The following TSACC variants were observed in gnomAD, a reference collection of about 807,000 sequenced individuals.
TSACC encodes TSSK6-activating co-chaperone protein.
A neutral mutation model predicts 6.9 loss-of-function variants in TSACC; 3 were observed. The observed-to-expected ratio is 0.43, with a 90% CI of 0.20 to 1.12. The LOEUF (loss-of-function observed/expected upper bound fraction) is 1.12. Ranked by LOEUF, TSACC falls within the 50% of genes most tolerant of loss-of-function variation. TSACC has a pLI of 0.28. For missense variants in TSACC, 137 were observed against 143.9 expected (o/e 0.95, Z 0.24); for synonymous variants, 54 against 55.1 (o/e 0.98, Z 0.09).
chr1:156,341,106 C>T (rs999977395), intron 2 of TSACC, among the ~76,000 whole-genome samples: 2 of 152,214 alleles, frequency 1.3e-5, no homozygotes, highest in Non-Finnish European at 2.9e-5. Flanking sequence ...CGTGAGCCAT[C>T]GCGCCTGGCC....
At chr1:156,337,848 G>A, upstream of TSACC, 1 of 488,958 alleles carries the variant, frequency 2.0e-6, no homozygotes, top group East Asian at 3.3e-5. Flanking sequence ...AATCAGGCTA[G>A]AAAGGGCGCA....
chr1:156,339,905 A>T, intron 2 of TSACC, 114 bp downstream of exon 2: 2 of 1,045,364 alleles, frequency 1.9e-6, no homozygotes, highest in Non-Finnish European at 2.9e-6. Context: ...TCTGTTAAAT[A>T]GTAGATGCTC....
At chr1:156,338,253 C>T, upstream of TSACC, 1 of 1,464,534 alleles carries the variant, frequency 6.8e-7, no homozygotes, top group South Asian at 1.2e-5. Flanking sequence ...GAGAGAGAAC[C>T]AGACAGAAGC....
intron 3 of TSACC, 97 bp from the exon 4 acceptor site, chr1:156,346,671 T>G (rs182513657): frequency 1.7e-5 from 21 of 1,220,570 alleles, no homozygotes; most frequent in South Asian, 2.7e-5. Flanking sequence ...CTGGAAAGAT[T>G]GGAGAGGTCA....
In TSACC at chr1:156,345,335, G is replaced by T. The variant is rs541196158; in HGVS notation, c.163+627G>T. ...CCCAGCACTTTGGGAGGCCAAGGCA[G>T]GTGGATTGTCTGAGGTCAGGAGCTT... On this transcript the variant is annotated intron_variant, in intron 3 of 3. Transcript: ENST00000368254. Among the ~76,000 whole-genome samples, 7 of 152,326 alleles carry T rather than the reference G, an allele frequency of 4.6e-5. No individual in the cohort carries two copies. In the South Asian group the frequency reaches 1.2e-3, roughly 27 times the overall value.
chr1:156,343,037 T>A (rs1665981084), intron 2 of TSACC, among the ~76,000 whole-genome samples: 1 of 152,152 alleles, frequency 6.6e-6, no homozygotes, highest in South Asian at 2.1e-4. Context: ...AGTTTTTCTC[T>A]CTCTGTTTTT....
intron 2 of TSACC, among the ~76,000 whole-genome samples, chr1:156,343,409 C>T (rs1183364342): frequency 6.6e-6 from 1 of 152,192 alleles, no homozygotes; most frequent in Non-Finnish European, 1.5e-5. Flanking sequence ...CTGTCTCTCT[C>T]CTATGCTTTT....
At chr1:156,341,089 T>C (rs775504417) in intron 2 of TSACC, among the ~76,000 whole-genome samples, 10 of 149,754 alleles carry the variant, frequency 6.7e-5, no homozygotes, top group African/African-American at 1.0e-4. Flanking sequence ...AGTCCTGGGA[T>C]TACAGGCGTG....
Position 156,344,725 on chromosome 1 carries a change from G to T in TSACC, c.163+17G>T. The T allele has an allele frequency of 1.2e-6, 2 of 1,612,528 alleles. No individual in the cohort carries two copies. Among genetic ancestry groups the T allele is most frequent in the Non-Finnish European group, 1.7e-6 (2 of 1,179,330 alleles). ...TGCCCTCGGGTAAGGATGTAGGGAG[G>T]GTTTTCTAATGGACTCAACAGGGGG... On this transcript the variant is annotated intron_variant, in intron 3 of 3. Transcript: ENST00000368254.
chr1:156,338,513 C>T (rs924895511), upstream of TSACC: 2 of 503,002 alleles, frequency 4.0e-6, no homozygotes, highest in Non-Finnish European at 3.6e-6. Flanking sequence ...GGCGCAGGCG[C>T]CAAGGCTCTG....
chr1:156,344,806 CTA>C, intron 3 of TSACC, 98 bp downstream of exon 3: 3 of 1,410,580 alleles, frequency 2.1e-6, no homozygotes, highest in Non-Finnish European at 1.9e-6. Context: ...AGAGCCAAAT[CTA>C]TGTTAGGCAT....
chr1:156,338,031 T>G, upstream of TSACC: 1 of 1,086,340 alleles, frequency 9.2e-7, no homozygotes, highest in African/African-American at 1.6e-5. Context: ...GCTTCCAAAA[T>G]GAAGACGATG....
At position 156,339,970 on chromosome 1, in the gene TSACC, C is replaced by T. The variant is rs375000059; in HGVS notation, c.34+179C>T. On this transcript the variant is annotated intron_variant, in intron 2 of 3. Transcript: ENST00000368254. Reference sequence around the variant, plus strand: ...TCTTCCTTTGTATCTCCTCTTAATACTTAGAACAAGACTATGTACAGGATC... The same window carrying T: ...TCTTCCTTTGTATCTCCTCTTAATATTTAGAACAAGACTATGTACAGGATC... Among the ~76,000 whole-genome samples the T allele has an allele frequency of 2.0e-5, 3 of 152,308 alleles. No homozygotes were observed. In the South Asian group the frequency reaches 6.2e-4, roughly 32 times the overall value.
chr1:156,338,198 A>C, upstream of TSACC: 1 of 1,585,298 alleles, frequency 6.3e-7, no homozygotes, highest in Non-Finnish European at 8.6e-7. Context: ...GACGCGATGC[A>C]GAGCCGGGTA....
chr1:156,337,806 A>C (rs538008503), upstream of TSACC: 1 of 362,496 alleles, frequency 2.8e-6, no homozygotes, highest in South Asian at 5.3e-5. Flanking sequence ...AAAAAACAAA[A>C]AAAAACGTTA....
At chr1:156,343,430 A>C (rs1314604507) in intron 2 of TSACC, among the ~76,000 whole-genome samples, 2 of 152,130 alleles carry the variant, frequency 1.3e-5, no homozygotes, top group African/African-American at 4.8e-5. Context: ...CCTTGTCTCT[A>C]GTCTCTTGCT....
At chr1:156,344,478 G>A (rs1314676807) in intron 2 of TSACC, 102 bp from the exon 3 acceptor site, 8 of 1,447,342 alleles carry the variant, frequency 5.5e-6, no homozygotes, top group South Asian at 2.7e-5. Context: ...ACATATTCAC[G>A]GCAGGGCCTG....
At chr1:156,339,468 G>A (rs1041327400) in intron 1 of TSACC, among the ~76,000 whole-genome samples, 166 bp from the exon 2 acceptor site, 1 of 152,074 alleles carries the variant, frequency 6.6e-6, no homozygotes, top group Non-Finnish European at 1.5e-5. Flanking sequence ...CGTCAGAGAC[G>A]TTTAAGGTTT....
intron 3 of TSACC, 49 bp downstream of exon 3, chr1:156,344,757 T>G: frequency 6.3e-7 from 1 of 1,594,394 alleles, no homozygotes; most frequent in Non-Finnish European, 8.6e-7. Flanking sequence ...GGGGAAGGGT[T>G]GCATGGAGGA....
Sources: gnomAD v4.1 joint callset for allele counts (sites outside exome capture counted in the v4.1 genomes callset) on GRCh38, gnomAD v4.1.1 for gene constraint, MANE v1.5 for transcripts, NCBI Gene and HGNC (gene_info 2026-07-23, HGNC 2026-07-21) for gene names.